WDPCP: variants seen among roughly 807,000 people sequenced by gnomAD.
The protein encoded by WDPCP is WD repeat containing planar cell polarity effector.
A neutral mutation model predicts 93.1 loss-of-function variants in WDPCP; 71 were observed. The ratio of observed to expected loss-of-function variants is 0.76; its 90% CI spans 0.63 to 0.93. WDPCP has a LOEUF of 0.93. Among genes scored for constraint, WDPCP ranks in the 40% least tolerant of loss-of-function variants. WDPCP has a pLI of 0.00. For missense variants in WDPCP, 844 were observed against 887.4 expected, an observed-to-expected ratio of 0.95 and a Z score of 0.62; for synonymous variants, 315 against 315.0, an observed-to-expected ratio of 1.00 and a Z score of 0.00.
chr2:63,599,201 A>G, intron 3 of WDPCP: 1 of 1,613,822 alleles, frequency 6.2e-7, no homozygotes, highest in Non-Finnish European at 8.5e-7. Flanking sequence ...GCCAATACCA[A>G]CTGCCTGACT....
chr2:63,532,385 G>C (rs1314530703), intron 1 of WDPCP, among the ~76,000 whole-genome samples: 2 of 152,104 alleles, frequency 1.3e-5, no homozygotes, highest in East Asian at 3.8e-4. Context: ...TCCTCAAGAA[G>C]AGCAACCCCA....
intron 6 of WDPCP, among the ~76,000 whole-genome samples, chr2:63,482,662 G>A (rs191644328): frequency 2.0e-5 from 3 of 151,920 alleles, no homozygotes; most frequent in African/African-American, 7.2e-5. Flanking sequence ...AAGAAGTGAA[G>A]GGATAATGTT....
chr2:63,342,911 C>A (rs1490786531), intron 12 of WDPCP, among the ~76,000 whole-genome samples: 1 of 152,080 alleles, frequency 6.6e-6, no homozygotes, highest in East Asian at 1.9e-4. Flanking sequence ...TTATAAGACA[C>A]GTCTACTAGC....
intron 2 of WDPCP, among the ~76,000 whole-genome samples, chr2:63,713,548 G>T (rs1180777757): frequency 6.6e-6 from 1 of 152,198 alleles, no homozygotes; most frequent in Non-Finnish European, 1.5e-5. Flanking sequence ...AGGCAAATTA[G>T]ATTAATCTTC....
intron 14 of WDPCP, among the ~76,000 whole-genome samples, chr2:63,183,775 A>G (rs1336218318): frequency 1.3e-5 from 2 of 151,998 alleles, no homozygotes; most frequent in African/African-American, 4.8e-5. Context: ...TATGTCCAGT[A>G]ATATTTGTTT....
chr2:63,480,588 T>TA, intron 6 of WDPCP, among the ~76,000 whole-genome samples: 1 of 152,200 alleles, frequency 6.6e-6, no homozygotes. Context: ...CCCAAATACT[T>TA]ACAGCCAACT....
chr2:63,329,036 C>T (rs1352583077), intron 12 of WDPCP, among the ~76,000 whole-genome samples: 3 of 152,190 alleles, frequency 2.0e-5, no homozygotes, highest in Non-Finnish European at 4.4e-5. Flanking sequence ...AATTTGTTTA[C>T]TTTCATGATA....
chr2:63,291,155 A>C (rs531052605), intron 13 of WDPCP, among the ~76,000 whole-genome samples: 2 of 151,844 alleles, frequency 1.3e-5, no homozygotes, highest in South Asian at 4.2e-4. Context: ...TAAATGTTTC[A>C]TTTCAGGTTT....
At chr2:63,676,102 C>T (rs171902) in intron 2 of WDPCP, among the ~76,000 whole-genome samples, 123,796 of 152,176 alleles carry the variant, frequency 0.81, 50,943 homozygotes, top group East Asian at 0.98. Context: ...AATCCTGGCA[C>T]TGATAAGAAT....
At chr2:63,783,474 T>C (rs1194478253) in intron 2 of WDPCP, among the ~76,000 whole-genome samples, 1 of 152,182 alleles carries the variant, frequency 6.6e-6, no homozygotes, top group Non-Finnish European at 1.5e-5. Flanking sequence ...TGTAGTCATA[T>C]GTTTATTGCA....
At chr2:63,782,164 C>A (rs941828054) in intron 2 of WDPCP, among the ~76,000 whole-genome samples, 1 of 152,022 alleles carries the variant, frequency 6.6e-6, no homozygotes, top group African/African-American at 2.4e-5. Flanking sequence ...AAAATCAACT[C>A]AAGATGGATT....
Position 63,649,846 on chromosome 2 carries a change from C to T in WDPCP, n.488+813G>A, listed in dbSNP as rs149519318. 2.0e-3 allele frequency among the ~76,000 whole-genome samples: 299 copies of T among 152,150 alleles called. 3 individuals are homozygous for T. The highest frequency in any genetic ancestry group is 6.6e-3 in the African/African-American group (275 of 41,506). ...TACAGGACTTGGAGCAAAAGGGAAA[C>T]AGATATAGGATCCAAGGGAAAGGTT... On this transcript the variant is annotated intron_variant and non_coding_transcript_variant, in intron 3 of 4. Coordinates refer to the WDPCP transcript ENST00000467687.
intron 12 of WDPCP, among the ~76,000 whole-genome samples, chr2:63,370,150 A>G (rs569345167): frequency 2.9e-4 from 44 of 152,314 alleles, no homozygotes; most frequent in Non-Finnish European, 1.9e-4. Context: ...TTTTCTTCAA[A>G]TTGCCATTAT....
At chr2:63,756,591 CA>C (rs1215875676) in intron 2 of WDPCP, among the ~76,000 whole-genome samples, 2 of 152,162 alleles carry the variant, frequency 1.3e-5, no homozygotes, top group Admixed American at 6.5e-5. Flanking sequence ...TTGACTCTAT[CA>C]TTTATTAGCT....
chr2:63,461,258 G>A (rs1327141432), intron 6 of WDPCP, among the ~76,000 whole-genome samples: 1 of 152,122 alleles, frequency 6.6e-6, no homozygotes, highest in African/African-American at 2.4e-5. Context: ...CTGCGGGGAG[G>A]TATTTGGGTC....
intron 17 of WDPCP, among the ~76,000 whole-genome samples, chr2:63,138,110 A>C (rs1670774682): frequency 1.5e-5 from 2 of 133,542 alleles, no homozygotes; most frequent in African/African-American, 5.8e-5. Flanking sequence ...TTTATTTAAC[A>C]CTCCTCTGTT....
chr2:63,633,038 A>G (rs1429484882), intron 3 of WDPCP, among the ~76,000 whole-genome samples: 1 of 152,216 alleles, frequency 6.6e-6, no homozygotes, highest in Non-Finnish European at 1.5e-5. Flanking sequence ...GCTTCTCAGC[A>G]GAAACCTTAT....
upstream of WDPCP, among the ~76,000 whole-genome samples, chr2:63,831,618 A>C (rs193211560): frequency 7.9e-5 from 12 of 152,300 alleles, no homozygotes; most frequent in Admixed American, 7.9e-4. Context: ...TTAAACATTT[A>C]AATAGTTTTT....
chr2:63,519,278 G>C (rs1702764863), intron 1 of WDPCP: 1 of 152,340 alleles, frequency 6.6e-6, no homozygotes, highest in Non-Finnish European at 1.5e-5. Flanking sequence ...CCACCCGCAG[G>C]AACATTGGCA....
Sources: allele counts gnomAD v4.1 joint callset (sites outside exome capture counted in the v4.1 genomes callset), GRCh38; gene constraint gnomAD v4.1.1; transcripts MANE v1.5; gene names NCBI Gene and HGNC (gene_info 2026-07-23, HGNC 2026-07-21).